Variants in PAPSS1 observed in about 807,000 individuals in gnomAD.
PAPSS1 encodes the protein 3'-phosphoadenosine 5'-phosphosulfate synthase 1.
In PAPSS1, 50 loss-of-function variants were observed where a neutral mutation model predicts 72.0. The ratio of observed to expected loss-of-function variants is 0.69; its 90% CI spans 0.55 to 0.88. The LOEUF is 0.88. Ranked by LOEUF, PAPSS1 falls within the 40% of genes least tolerant of loss-of-function variation. The pLI is 0.00. For synonymous variants in PAPSS1, 261 were observed against 263.6 expected, an observed-to-expected ratio of 0.99 and a Z score of 0.09; for missense variants, 657 against 782.2, an observed-to-expected ratio of 0.84 and a Z score of 1.91.
chr4:107,709,970 G>T (rs1400780761), intron 1 of PAPSS1, among the ~76,000 whole-genome samples: 1 of 152,104 alleles, frequency 6.6e-6, no homozygotes, highest in African/African-American at 2.4e-5. Context: ...GAACGCATTG[G>T]GTGGTTACAG....
intron 5 of PAPSS1, among the ~76,000 whole-genome samples, chr4:107,662,771 CT>C (rs1281437078): frequency 1.3e-5 from 2 of 152,130 alleles, no homozygotes; most frequent in Non-Finnish European, 1.5e-5. Flanking sequence ...ATGGTTATCA[CT>C]GTCATTTTTC....
intron 1 of PAPSS1, among the ~76,000 whole-genome samples, chr4:107,709,773 G>A (rs1578438253): frequency 6.6e-6 from 1 of 152,092 alleles, no homozygotes; most frequent in East Asian, 1.9e-4. Flanking sequence ...CATCCCCAAC[G>A]AACTGGCTGC....
chr4:107,719,763 T>G, intron 1 of PAPSS1: 1 of 1,105,596 alleles, frequency 9.0e-7, no homozygotes, highest in Non-Finnish European at 1.1e-6. Flanking sequence ...AAGCTCCTGT[T>G]TCTGCAGCCG....
Position 107,614,133 on chromosome 4 carries a change from G to A in PAPSS1, c.*116C>T. On this transcript the variant is annotated 3_prime_UTR_variant, in exon 12 of 12. Transcript: ENST00000265174. The stretch of plus-strand genomic sequence containing the variant: ...AAAACTGATGCAAGTTAAGGAAAAT[G>A]GTCTGTTTTTAGGAAGCATGTCCAG... 1 of 1,032,818 alleles carries A rather than the reference G, an allele frequency of 9.7e-7. No homozygotes were observed. Among genetic ancestry groups the A allele is most frequent in the South Asian group, 1.8e-5 (1 of 54,530 alleles). The allele number at this position is 1,032,818 out of a possible 1,614,324, so 64.0% of individuals were successfully genotyped here. A position where few individuals can be genotyped will look rare whatever the true frequency, so the allele number is the denominator to read the frequency against.
intron 1 of PAPSS1, chr4:107,718,312 C>G (rs1029168982): frequency 1.3e-5 from 2 of 152,198 alleles, no homozygotes; most frequent in Non-Finnish European, 2.9e-5. Flanking sequence ...AAGAGCATCA[C>G]GGAGCCCCAG....
At chr4:107,665,095 GT>G (rs370529358) in intron 5 of PAPSS1, among the ~76,000 whole-genome samples, 63 of 152,292 alleles carry the variant, frequency 4.1e-4, no homozygotes, top group African/African-American at 1.5e-3. Flanking sequence ...GAGAGTGAAT[GT>G]TTTGGGAATT....
chr4:107,649,702 C>A (rs1023911505), intron 9 of PAPSS1, among the ~76,000 whole-genome samples: 2 of 152,222 alleles, frequency 1.3e-5, no homozygotes, highest in Non-Finnish European at 2.9e-5. Flanking sequence ...TCTGATGTCT[C>A]CACTTACACA....
chr4:107,666,513 T>C (rs1578408246), intron 5 of PAPSS1, among the ~76,000 whole-genome samples: 1 of 152,194 alleles, frequency 6.6e-6, no homozygotes, highest in Admixed American at 6.5e-5. Flanking sequence ...TTATATTACA[T>C]AGCCACAGTG....
At chr4:107,616,814 C>T (rs1014247229) in intron 11 of PAPSS1, among the ~76,000 whole-genome samples, 2 of 152,124 alleles carry the variant, frequency 1.3e-5, no homozygotes, top group Admixed American at 1.3e-4. Context: ...AATAAGTGAA[C>T]ACATAAATAC....
At chr4:107,673,950 C>T (rs1427201686) in intron 5 of PAPSS1, among the ~76,000 whole-genome samples, 3 of 152,130 alleles carry the variant, frequency 2.0e-5, no homozygotes, top group Admixed American at 6.6e-5. Context: ...CCAAACTAAG[C>T]TTCATAAGTG....
At chr4:107,707,845 C>T (rs901215858) in intron 1 of PAPSS1, among the ~76,000 whole-genome samples, 1 of 152,198 alleles carries the variant, frequency 6.6e-6, no homozygotes, top group Non-Finnish European at 1.5e-5. Flanking sequence ...TGCTGACCTC[C>T]ACCAATACAC....
Position 107,719,214 on chromosome 4 carries a change from G to C in PAPSS1, c.60+906C>G, listed in dbSNP as rs567280633. Among the ~76,000 whole-genome samples the C allele has an allele frequency of 1.1e-4, 15 of 141,818 alleles. 1 individual carries two copies. The highest frequency in any genetic ancestry group is 5.2e-4 in the Admixed American group (7 of 13,394). 93.0% of individuals were successfully genotyped at this position (141,818 alleles called of 152,430 possible). On this transcript the variant is annotated intron_variant, in intron 1 of 11. Transcript: ENST00000265174. The stretch of plus-strand genomic sequence containing the variant: ...TTTTTTTTTCTTTGATTCATCTAGG[G>C]CAAGTAACGTTTTGGGAGACATTGC...
At chr4:107,705,912 T>C (rs1330570700) in intron 1 of PAPSS1, among the ~76,000 whole-genome samples, 1 of 152,236 alleles carries the variant, frequency 6.6e-6, no homozygotes, top group Non-Finnish European at 1.5e-5. Flanking sequence ...TGTTTGTGAA[T>C]TACAGCATTG....
chr4:107,703,953 A>G (rs191340968), intron 1 of PAPSS1, among the ~76,000 whole-genome samples: 27 of 152,324 alleles, frequency 1.8e-4, no homozygotes, highest in African/African-American at 6.3e-4. Flanking sequence ...TGGACATTTT[A>G]ACAATATTAA....
At chr4:107,678,302 A>G (rs775140820) in intron 5 of PAPSS1, among the ~76,000 whole-genome samples, 1 of 152,222 alleles carries the variant, frequency 6.6e-6, no homozygotes, top group South Asian at 2.1e-4. Context: ...AATTTCTAAG[A>G]AAACGATACA....
intron 10 of PAPSS1, among the ~76,000 whole-genome samples, chr4:107,639,892 G>A (rs1214571954): frequency 6.6e-6 from 1 of 152,210 alleles, no homozygotes; most frequent in African/African-American, 2.4e-5. Context: ...TGTCCCTGGT[G>A]AAGGGTATCC....
At chr4:107,653,133 ATGAATATATATC>A (rs1205387258) in intron 9 of PAPSS1, among the ~76,000 whole-genome samples, 1 of 101,878 alleles carries the variant, frequency 9.8e-6, no homozygotes, top group Admixed American at 1.1e-4. Context: ...ATGAATATAT[ATGAATATATATC>A]TCTCTCATGT....
Position 107,719,978 on chromosome 4 carries a change from G to A in PAPSS1, c.60+142C>T, listed in dbSNP as rs58015248. 2.1e-4 allele frequency: 296 copies of A among 1,441,564 alleles called. 1 individual carries two copies. The East Asian group carries it at 7.7e-3, about 38-fold the overall frequency. The allele number at this position is 1,441,564 out of a possible 1,614,324, so 89.3% of individuals were successfully genotyped here. On this transcript the variant is annotated intron_variant, in intron 1 of 11. Coordinates refer to ENST00000265174, the MANE Select transcript of PAPSS1 (RefSeq NM_005443.5). ...TCGCAACCACCCACGGCCCCAGCCG[G>A]GAGGCGCCGCAGCCCCGGAACCCAC...
In PAPSS1 at chr4:107,628,796, A is replaced by G. The variant is rs117692522; in HGVS notation, c.1736+2835T>C. Among the ~76,000 whole-genome samples the G allele has an allele frequency of 7.3e-4, 111 of 152,314 alleles. 1 individual carries two copies. In the East Asian group the frequency reaches 0.018, roughly 25 times the overall value. On this transcript the variant is annotated intron_variant, in intron 11 of 11. Transcript: ENST00000265174. ...ACACATTTTGGGCTAAGAGGGAATC[A>G]CCCTGTCCACTGCCTTTATTCCAGA... is the stretch of plus-strand genomic sequence containing the variant.
Sources: gnomAD v4.1 joint callset for allele counts (sites outside exome capture counted in the v4.1 genomes callset) on GRCh38, gnomAD v4.1.1 for gene constraint, MANE v1.5 for transcripts, NCBI Gene and HGNC (gene_info 2026-07-23, HGNC 2026-07-21) for gene names.